The following SYK variants were observed in gnomAD, a reference collection of about 807,000 sequenced individuals.
The protein encoded by SYK is tyrosine-protein kinase SYK.
Under a neutral mutation model 77.8 loss-of-function variants are expected in SYK, and 16 were observed. The observed-to-expected ratio is 0.21, with a 90% CI of 0.14 to 0.31. The LOEUF is 0.31. Among genes scored for constraint, SYK ranks in the 10% least tolerant of loss-of-function variants. SYK has a pLI of 1.00. For synonymous variants in SYK, 312 were observed against 308.7 expected (o/e 1.01, Z -0.11); for missense variants, 529 against 814.4 (o/e 0.65, Z 4.26).
intron 3 of SYK, among the ~76,000 whole-genome samples, chr9:90,854,184 C>T (rs1025439782): frequency 1.3e-5 from 2 of 152,194 alleles, no homozygotes; most frequent in Non-Finnish European, 2.9e-5. Context: ...GGGATTGGCA[C>T]GTGGCTGCCC....
intron 3 of SYK, among the ~76,000 whole-genome samples, chr9:90,851,881 T>A (rs10821514): frequency 0.68 from 103,047 of 152,084 alleles, 36,056 homozygotes; most frequent in African/African-American, 0.81. Context: ...AATATAAAAT[T>A]AGGCATACAA....
chr9:90,806,831 AGTGTCAAT>A (rs1824857429), intron 1 of SYK, among the ~76,000 whole-genome samples: 1 of 152,244 alleles, frequency 6.6e-6, no homozygotes, highest in Non-Finnish European at 1.5e-5. Context: ...GTTTTACATC[AGTGTCAAT>A]GTCACTTTTG....
At chr9:90,859,979 A>G (rs1428953418) in intron 3 of SYK, among the ~76,000 whole-genome samples, 2 of 150,580 alleles carry the variant, frequency 1.3e-5, no homozygotes. Context: ...TTCAGATCCC[A>G]TTTATTACTA....
chr9:90,812,608 C>G (rs1359608930), intron 1 of SYK, among the ~76,000 whole-genome samples: 1 of 152,186 alleles, frequency 6.6e-6, no homozygotes, highest in Non-Finnish European at 1.5e-5. Flanking sequence ...TCATAGCACA[C>G]AAACACATCT....
At chr9:90,848,478 G>A (rs932757077) in intron 3 of SYK, among the ~76,000 whole-genome samples, 16 of 152,198 alleles carry the variant, frequency 1.1e-4, no homozygotes, top group Non-Finnish European at 1.6e-4. Flanking sequence ...TTTATAAAAT[G>A]CACATTATTT....
rs1352625481 is a variant in SYK at position 90,874,239 on chromosome 9, T to C, written c.951T>C (p.Thr317=). The C allele has an allele frequency of 3.1e-6, 5 of 1,614,244 alleles. No individual in the cohort carries two copies. Among genetic ancestry groups the C allele is most frequent in the East Asian group, 4.5e-5 (2 of 44,890 alleles). The change falls in exon 8 of 14, where the codon ACT becomes ACC. Residue 317 remains threonine (T), a synonymous_variant. Transcript: ENST00000375754. ...SPAQGNRQES[T]VSFNPYEPEL... The stretch of plus-strand genomic sequence containing the variant: ...CCCAAGGGAACCGGCAAGAGAGTAC[T>C]GTGTCATTCAATCCGTATGAGCCAG...
chr9:90,895,856 T>C lies in SYK; in HGVS notation c.*256T>C. 1 of 487,460 alleles carries C rather than the reference T, an allele frequency of 2.1e-6. No homozygotes were observed. The highest frequency in any genetic ancestry group is 2.6e-5 in the South Asian group (1 of 38,420). The allele number at this position is 487,460 out of a possible 1,614,324, so 30.2% of individuals were successfully genotyped here. A position where few individuals can be genotyped will look rare whatever the true frequency, so the allele number is the denominator to read the frequency against. On this transcript the variant is annotated 3_prime_UTR_variant, in exon 14 of 14. Transcript: ENST00000375754. The surrounding 1 kb of genome is among the most constrained non-coding windows in gnomAD (Gnocchi z 4.4). The stretch of plus-strand genomic sequence containing the variant: ...TTGTTTGTTTTCTTGTCTGTGTGAT[T>C]TTCATACAGGTTATTTTTACGATCT...
intron 1 of SYK, among the ~76,000 whole-genome samples, chr9:90,832,901 G>T (rs1273288558): frequency 6.6e-6 from 1 of 152,224 alleles, no homozygotes; most frequent in Admixed American, 6.5e-5. Context: ...TTGTAGTCAG[G>T]TGTGGGCCAG....
intron 11 of SYK, among the ~76,000 whole-genome samples, chr9:90,882,666 G>A (rs1755938): frequency 0.13 from 20,225 of 152,196 alleles, 1,492 homozygotes; most frequent in East Asian, 0.3. Context: ...CAAGATGGAC[G>A]ACTAAATGCA....
At chr9:90,850,592 C>G (rs1390368641) in intron 3 of SYK, among the ~76,000 whole-genome samples, 1 of 151,886 alleles carries the variant, frequency 6.6e-6, no homozygotes, top group African/African-American at 2.4e-5. Context: ...AAGCCATAAA[C>G]TAATCAAGAG....
At chr9:90,838,681 G>A (rs1368043905) in intron 1 of SYK, among the ~76,000 whole-genome samples, 1 of 152,172 alleles carries the variant, frequency 6.6e-6, no homozygotes, top group Non-Finnish European at 1.5e-5. Flanking sequence ...TCTCAGTTTC[G>A]TGCTTTGGAA....
intron 7 of SYK, among the ~76,000 whole-genome samples, chr9:90,870,199 A>G (rs1266417789): frequency 1.3e-5 from 2 of 152,250 alleles, no homozygotes; most frequent in African/African-American, 4.8e-5. Flanking sequence ...CTTTAAATGA[A>G]TTAAACCCCT....
chr9:90,888,819 G>C (rs1470504323), intron 13 of SYK, among the ~76,000 whole-genome samples, 192 bp downstream of exon 13: 2 of 152,206 alleles, frequency 1.3e-5, no homozygotes, highest in African/African-American at 4.8e-5. Context: ...ACATGTAGTA[G>C]AGCCTAAAGA....
intron 7 of SYK, among the ~76,000 whole-genome samples, chr9:90,873,308 C>T (rs1339315220): frequency 2.0e-5 from 3 of 146,520 alleles, no homozygotes; most frequent in African/African-American, 5.1e-5. Context: ...CTGAAAAGGT[C>T]AATCAATACA....
intron 1 of SYK, among the ~76,000 whole-genome samples, chr9:90,823,096 A>C (rs891604524): frequency 6.6e-6 from 1 of 152,204 alleles, no homozygotes; most frequent in African/African-American, 2.4e-5. Context: ...CTCAAGTTCC[A>C]GCACCCTCAT....
chr9:90,841,052 T>C (rs1826292746), intron 1 of SYK, among the ~76,000 whole-genome samples: 1 of 151,510 alleles, frequency 6.6e-6, no homozygotes, highest in Admixed American at 6.6e-5. Flanking sequence ...GTGTATGTAG[T>C]GTAGTGTTAG....
Position 90,896,002 on chromosome 9 carries a change from A to G in SYK, c.*402A>G, listed in dbSNP as rs1013706696. The G allele has an allele frequency of 8.3e-6, 2 of 242,178 alleles. No homozygotes were observed. Among genetic ancestry groups the G allele is most frequent in the Non-Finnish European group, 1.6e-5 (2 of 123,438 alleles). 15.0% of individuals were successfully genotyped at this position (242,178 alleles called of 1,614,324 possible). On this transcript the variant is annotated 3_prime_UTR_variant, in exon 14 of 14. Transcript: ENST00000375754. ...ACTCTCACCCCAAGCGGCCTTTTCC[A>G]AATGCCCAAGGATGCCTTAGCATGT...
chr9:90,828,111 A>C (rs1825721849), intron 1 of SYK, among the ~76,000 whole-genome samples: 1 of 152,112 alleles, frequency 6.6e-6, no homozygotes, highest in Non-Finnish European at 1.5e-5. Context: ...TATGCTCATA[A>C]GGTAGTGATG....
At chr9:90,839,283 T>A (rs1826204995) in intron 1 of SYK, among the ~76,000 whole-genome samples, 1 of 152,168 alleles carries the variant, frequency 6.6e-6, no homozygotes, top group Admixed American at 6.5e-5. Flanking sequence ...AACCAGTGAT[T>A]CTGCCCAAAC....
Sources: gnomAD v4.1 joint callset for allele counts (sites outside exome capture counted in the v4.1 genomes callset) on GRCh38, gnomAD v4.1.1 for gene constraint, Gnocchi (gnomAD v3.1) non-coding constraint, MANE v1.5 for transcripts, NCBI Gene and HGNC (gene_info 2026-07-23, HGNC 2026-07-21) for gene names.